MGST2: variants seen among roughly 807,000 people sequenced by gnomAD.
The protein encoded by MGST2 is glutathione peroxidase MGST2.
In MGST2, 9 loss-of-function variants were observed where a neutral mutation model predicts 16.6. The observed-to-expected ratio is 0.54, with a 90% CI of 0.33 to 0.95. MGST2 has a LOEUF of 0.95. MGST2 is among the 40% of genes least tolerant of loss of function. MGST2 has a pLI of 0.03. For missense variants in MGST2, 159 were observed against 175.1 expected, an observed-to-expected ratio of 0.91 and a Z score of 0.52; for synonymous variants, 79 against 68.0, an observed-to-expected ratio of 1.16 and a Z score of -0.79.
chr4:139,666,197 CCCTT>C, intron 1 of MGST2, 120 bp downstream of exon 1: 2 of 1,059,420 alleles, frequency 1.9e-6, no homozygotes, highest in African/African-American at 1.5e-5. Flanking sequence ...TTCCTACTTG[CCCTT>C]GCAGGTAGCT....
At chr4:139,701,638 C>T (rs947592279) in intron 3 of MGST2, among the ~76,000 whole-genome samples, 5 of 151,984 alleles carry the variant, frequency 3.3e-5, no homozygotes, top group Admixed American at 2.0e-4. Context: ...TTTTCACTGC[C>T]GACCTCAATC....
rs541079050 is a variant in MGST2, at chr4:139,697,256, A to G, written c.229+1989A>G. On this transcript the variant is annotated intron_variant, in intron 3 of 4. Transcript: ENST00000265498. ...GAGTTAGCCTATCCCTTCCTGCCTT[A>G]AATCCTGGAGCTTGCTTCTCTTCTT... Among the ~76,000 whole-genome samples the G allele has an allele frequency of 9.2e-5, 14 of 152,330 alleles. 1 individual carries two copies. The highest frequency in any genetic ancestry group is 9.2e-4 in the Admixed American group (14 of 15,290).
At chr4:139,753,806 G>A in the MGST2 span, among the ~76,000 whole-genome samples, 4 of 152,204 alleles carry the variant, frequency 2.6e-5, no homozygotes, top group Admixed American at 6.5e-5. Flanking sequence ...CAGACACAGC[G>A]CTGGACACCA....
At chr4:139,749,894 C>CG in the MGST2 span, among the ~76,000 whole-genome samples, 5 of 107,964 alleles carry the variant, frequency 4.6e-5, no homozygotes, top group Admixed American at 9.0e-5. Context: ...AACCCCCCCC[C>CG]ACCCTATTCT....
chr4:139,737,051 C>A (rs1205959160), intron 5 of MGST2, among the ~76,000 whole-genome samples: 2 of 152,164 alleles, frequency 1.3e-5, no homozygotes, highest in Admixed American at 6.6e-5. Context: ...CCAGTTGCAA[C>A]TGTGCTGTGG....
chr4:139,677,491 T>G (rs1448893236), intron 1 of MGST2, among the ~76,000 whole-genome samples: 2 of 150,412 alleles, frequency 1.3e-5, no homozygotes, highest in African/African-American at 4.9e-5. Flanking sequence ...TTAGTCTGGC[T>G]CAGTGAATCT....
intron 1 of MGST2, among the ~76,000 whole-genome samples, chr4:139,671,154 C>G (rs1409920514): frequency 6.6e-6 from 1 of 152,110 alleles, no homozygotes; most frequent in Non-Finnish European, 1.5e-5. Context: ...TGCCTAAACT[C>G]CAAAAGGGAG....
At chr4:139,725,466 G>A (rs1355019189) in intron 5 of MGST2, among the ~76,000 whole-genome samples, 1 of 152,102 alleles carries the variant, frequency 6.6e-6, no homozygotes, top group Non-Finnish European at 1.5e-5. Context: ...TGTACCTTTG[G>A]TAAAGAACAG....
chr4:139,719,410 G>A (rs373309120), intron 5 of MGST2: 99 of 1,613,984 alleles, frequency 6.1e-5, no homozygotes, highest in Middle Eastern at 3.3e-4. Context: ...GGTCTGCACC[G>A]TCCGGGAGGC....
the MGST2 span, among the ~76,000 whole-genome samples, chr4:139,752,615 A>T: frequency 6.6e-6 from 1 of 152,218 alleles, no homozygotes; most frequent in East Asian, 1.9e-4. Context: ...CTTGGCACAA[A>T]TACATTCTGT....
At chr4:139,693,145 C>T (rs1403088623) in intron 2 of MGST2, among the ~76,000 whole-genome samples, 4 of 152,154 alleles carry the variant, frequency 2.6e-5, no homozygotes, top group African/African-American at 4.8e-5. Flanking sequence ...GGGCTGGGCG[C>T]GGTGGCTCAC....
At chr4:139,729,342 G>A (rs988432108) in intron 5 of MGST2, among the ~76,000 whole-genome samples, 1 of 152,132 alleles carries the variant, frequency 6.6e-6, no homozygotes, top group Admixed American at 6.5e-5. Flanking sequence ...AATTCTGGCA[G>A]GGCGTGGTGG....
At chr4:139,682,955 C>T (rs542631889) in intron 2 of MGST2, among the ~76,000 whole-genome samples, 33 of 152,322 alleles carry the variant, frequency 2.2e-4, no homozygotes, top group African/African-American at 7.9e-4. Flanking sequence ...CAGGTCACCA[C>T]CCACGAGCTG....
intron 5 of MGST2, among the ~76,000 whole-genome samples, chr4:139,727,301 C>T (rs1287361912): frequency 6.6e-6 from 1 of 152,178 alleles, no homozygotes; most frequent in East Asian, 1.9e-4. Flanking sequence ...AAAGTGTAGA[C>T]AAGAAACCAC....
In MGST2 at chr4:139,703,485, T is replaced by A; in HGVS notation, c.260T>A (p.Ile87Lys). 1 of 1,614,014 alleles carries A rather than the reference T, an allele frequency of 6.2e-7. No individual in the cohort carries two copies. The highest frequency in any genetic ancestry group is 8.5e-7 in the Non-Finnish European group (1 of 1,179,956). Residue 87 changes from isoleucine to lysine, a missense_variant, in exon 4 of 5, where the codon ATA becomes AAA. Coordinates refer to ENST00000265498, the MANE Select transcript of MGST2 (RefSeq NM_002413.5). ...VFATCLGLVY[I>K]YGRHLYFWGY... Reference sequence around the variant, plus strand: ...GCTACTTGTCTGGGTCTGGTGTACATATATGGCCGTCACCTATACTTCTGG... The same window carrying A: ...GCTACTTGTCTGGGTCTGGTGTACAAATATGGCCGTCACCTATACTTCTGG...
intron 5 of MGST2, chr4:139,719,170 T>C: frequency 1.2e-6 from 1 of 811,090 alleles, no homozygotes; most frequent in Non-Finnish European, 1.9e-6. Context: ...GGGCTGTGGA[T>C]TGGCACCTGG....
At position 139,709,326 on chromosome 4, in the gene MGST2, G is replaced by A. The variant is rs183478554; in HGVS notation, c.*48+5130G>A. Among the ~76,000 whole-genome samples the A allele has an allele frequency of 5.3e-5, 8 of 151,902 alleles. No homozygotes were observed. In the East Asian group the frequency reaches 1.6e-3, roughly 30 times the overall value. On this transcript the variant is annotated intron_variant, in intron 5 of 5. Transcript: ENST00000616265. The stretch of plus-strand genomic sequence containing the variant: ...TCTTGATCTCCTGACCTCATGATCC[G>A]CCCACCTCAGCCTCCCAAAGTGCTG...
At chr4:139,666,170 T>G in intron 1 of MGST2, 93 bp downstream of exon 1, 6 of 1,275,740 alleles carry the variant, frequency 4.7e-6, no homozygotes, top group Non-Finnish European at 6.8e-6. Flanking sequence ...GGGAGGGAGA[T>G]GGGTCCGGTG....
At chr4:139,694,858 T>C (rs1726825448) in intron 2 of MGST2, among the ~76,000 whole-genome samples, 1 of 152,254 alleles carries the variant, frequency 6.6e-6, no homozygotes, top group South Asian at 2.1e-4. Flanking sequence ...ATTTTTAAAA[T>C]AAGAAATCTC....
Sources: allele counts gnomAD v4.1 joint callset (sites outside exome capture counted in the v4.1 genomes callset), GRCh38; gene constraint gnomAD v4.1.1; transcripts MANE v1.5; gene names NCBI Gene and HGNC (gene_info 2026-07-23, HGNC 2026-07-21).